Variants in LYPLAL1 observed in about 807,000 individuals in gnomAD.
The protein encoded by LYPLAL1 is lysophospholipase-like protein 1.
A neutral mutation model predicts 19.7 loss-of-function variants in LYPLAL1; 23 were observed. That is an observed-to-expected ratio of 1.17 (90% CI 0.84 to 1.65). The LOEUF (loss-of-function observed/expected upper bound fraction) is 1.65, where lower values mean the gene tolerates loss of function less well. LYPLAL1 is among the 40% of genes most tolerant of loss of function. LYPLAL1 has a pLI of 0.00. For synonymous variants in LYPLAL1, 119 were observed against 96.3 expected, an observed-to-expected ratio of 1.24 and a Z score of -1.38; for missense variants, 355 against 279.4, an observed-to-expected ratio of 1.27 and a Z score of -1.93.
chr1:219,442,497 C>T, the LYPLAL1 span: 1 of 152,126 alleles, frequency 6.6e-6, no homozygotes, highest in Non-Finnish European at 1.5e-5. Flanking sequence ...ATGATGGGAA[C>T]TTTCATTGTC....
chr1:219,227,901 A>G, the LYPLAL1 span, among the ~76,000 whole-genome samples: 1 of 152,180 alleles, frequency 6.6e-6, no homozygotes, highest in Admixed American at 6.5e-5. Context: ...CAATAAAGAT[A>G]TTGCTTCATA....
At chr1:219,174,153 C>T in intron 1 of LYPLAL1, 172 bp downstream of exon 1, 3 of 1,440,758 alleles carry the variant, frequency 2.1e-6, no homozygotes, top group Admixed American at 5.3e-5. Flanking sequence ...CTGCCCCCAG[C>T]CTCCCCCGTT....
intron 2 of LYPLAL1, among the ~76,000 whole-genome samples, chr1:219,185,960 A>C (rs1298988883): frequency 1.3e-5 from 2 of 151,916 alleles, no homozygotes; most frequent in African/African-American, 4.8e-5. Context: ...TCTGTTTCTT[A>C]ATGAGGTGTC....
chr1:219,391,197 C>T, the LYPLAL1 span, among the ~76,000 whole-genome samples: 1 of 152,118 alleles, frequency 6.6e-6, no homozygotes, highest in African/African-American at 2.4e-5. Context: ...CTCTTGTGTA[C>T]ATTTGTGGGT....
chr1:219,384,153 G>A, the LYPLAL1 span, among the ~76,000 whole-genome samples: 4 of 152,210 alleles, frequency 2.6e-5, no homozygotes, highest in Non-Finnish European at 4.4e-5. Context: ...ATCTTTACCA[G>A]TGATTCCAAA....
chr1:219,396,547 G>C, the LYPLAL1 span, among the ~76,000 whole-genome samples: 1 of 151,964 alleles, frequency 6.6e-6, no homozygotes, highest in African/African-American at 2.4e-5. Context: ...TCCTATCTGT[G>C]GTCATAGAAT....
the LYPLAL1 span, chr1:219,272,705 G>A: frequency 2.6e-5 from 4 of 152,000 alleles, no homozygotes; most frequent in African/African-American, 9.7e-5. Flanking sequence ...GAACTCGGGA[G>A]GCAGAGGTTG....
the LYPLAL1 span, among the ~76,000 whole-genome samples, chr1:219,429,693 C>G: frequency 6.6e-6 from 1 of 152,020 alleles, no homozygotes; most frequent in Admixed American, 6.6e-5. Context: ...GAAAGAAATT[C>G]CCAGGCCTAT....
intron 4 of LYPLAL1, 119 bp downstream of exon 4, chr1:219,210,766 A>C: frequency 2.3e-6 from 2 of 884,820 alleles, no homozygotes; most frequent in Non-Finnish European, 3.2e-6. Context: ...GTTGATATGG[A>C]TTGACCATTC....
chr1:219,438,466 T>G, the LYPLAL1 span, among the ~76,000 whole-genome samples: 1 of 152,342 alleles, frequency 6.6e-6, no homozygotes, highest in South Asian at 2.1e-4. Flanking sequence ...CTTGTTTTAT[T>G]CCTCTTATTG....
At chr1:219,414,218 A>C in the LYPLAL1 span, among the ~76,000 whole-genome samples, 1 of 152,198 alleles carries the variant, frequency 6.6e-6, no homozygotes, top group Non-Finnish European at 1.5e-5. Context: ...TTTGCAATAA[A>C]TGCCAGCATT....
At chr1:219,184,358 T>A (rs1656548975) in intron 2 of LYPLAL1, among the ~76,000 whole-genome samples, 1 of 151,940 alleles carries the variant, frequency 6.6e-6, no homozygotes, top group African/African-American at 2.4e-5. Context: ...TTTTAGTTTT[T>A]TATTATGTCC....
chr1:219,303,960 A>G, the LYPLAL1 span, among the ~76,000 whole-genome samples: 1 of 152,212 alleles, frequency 6.6e-6, no homozygotes, highest in Non-Finnish European at 1.5e-5. Flanking sequence ...AATTATTTAC[A>G]TAACTTATTC....
chr1:219,257,321 C>A, the LYPLAL1 span, among the ~76,000 whole-genome samples: 7 of 143,952 alleles, frequency 4.9e-5, no homozygotes, highest in African/African-American at 1.8e-4. Context: ...GCTATAAAAT[C>A]TACTTTGGTT....
At chr1:219,311,931 C>T in the LYPLAL1 span, among the ~76,000 whole-genome samples, 22 of 152,080 alleles carry the variant, frequency 1.4e-4, no homozygotes, top group Non-Finnish European at 2.9e-4. Flanking sequence ...ATTTTGAATT[C>T]TATACATTAA....
chr1:219,361,569 G>A, the LYPLAL1 span, among the ~76,000 whole-genome samples: 23 of 151,902 alleles, frequency 1.5e-4, no homozygotes, highest in Non-Finnish European at 2.6e-4. Flanking sequence ...TCCAGGCTTT[G>A]GGCTCCTTCA....
intron 3 of LYPLAL1, among the ~76,000 whole-genome samples, chr1:219,202,635 A>G (rs955910966): frequency 2.6e-5 from 4 of 152,204 alleles, no homozygotes; most frequent in African/African-American, 9.7e-5. Context: ...TGAGATTCCA[A>G]ACAATTTTTA....
At chr1:219,266,300 G>T in the LYPLAL1 span, among the ~76,000 whole-genome samples, 1 of 151,670 alleles carries the variant, frequency 6.6e-6, no homozygotes. Flanking sequence ...AAACTCTTTT[G>T]TTAAAAACAA....
At chr1:219,334,484 C>T in the LYPLAL1 span, among the ~76,000 whole-genome samples, 3 of 150,926 alleles carry the variant, frequency 2.0e-5, no homozygotes, top group Non-Finnish European at 4.4e-5. Context: ...CCTACTTTTC[C>T]AGCATAAATG....
Sources: gnomAD v4.1 joint callset for allele counts (sites outside exome capture counted in the v4.1 genomes callset) on GRCh38, gnomAD v4.1.1 for gene constraint, MANE v1.5 for transcripts, NCBI Gene and HGNC (gene_info 2026-07-23, HGNC 2026-07-21) for gene names.